Variants in FGF13 observed in about 807,000 individuals in gnomAD.
FGF13 encodes the protein fibroblast growth factor homologous factor 2.
FGF13 carries 2 observed loss-of-function variants against 19.5 expected under a neutral mutation model. The ratio of observed to expected loss-of-function variants is 0.10; its 90% CI spans 0.04 to 0.32. FGF13 has a LOEUF of 0.32. FGF13 is among the 10% of genes least tolerant of loss of function. FGF13 has a pLI of 1.00. For synonymous variants in FGF13, 72 were observed against 76.9 expected, an observed-to-expected ratio of 0.94 and a Z score of 0.33; for missense variants, 113 against 192.7, an observed-to-expected ratio of 0.59 and a Z score of 2.45.
intron 1 of FGF13, among the ~76,000 whole-genome samples, chrX:139,010,888 A>G (rs2092125213): frequency 8.9e-6 from 1 of 111,877 alleles, no homozygotes; most frequent in South Asian, 3.7e-4. Context: ...AAATATAAGT[A>G]AAATTGATAG....
rs895883969 is a variant in FGF13, at chrX:138,627,088, G to C, written c.*5762C>G. 1.8e-5 allele frequency: 2 copies of C among 111,563 alleles called. No homozygotes were observed. The highest frequency in any genetic ancestry group is 6.5e-5 in the African/African-American group (2 of 30,731). The allele number at this position is 111,563 out of a possible 1,213,427, so 9.2% of individuals were successfully genotyped here. A position where few individuals can be genotyped will look rare whatever the true frequency, so the allele number is the denominator to read the frequency against. ...AGTTCCACTTTATTAATCGCAGTAA[G>C]GAAAGAAAAATTCTCTGTTACTAAA... On this transcript the variant is annotated 3_prime_UTR_variant, in exon 5 of 5. Transcript: ENST00000315930.
At chrX:138,803,376 G>A (rs1330541108) in intron 3 of FGF13, among the ~76,000 whole-genome samples, 1 of 112,183 alleles carries the variant, frequency 8.9e-6, no homozygotes, top group African/African-American at 3.2e-5. Context: ...TAACAGGGCA[G>A]GTAAGAGGTA....
At chrX:138,679,473 A>T (rs1269784662) in intron 3 of FGF13, among the ~76,000 whole-genome samples, 1 of 111,444 alleles carries the variant, frequency 9.0e-6, no homozygotes, top group East Asian at 2.8e-4. Context: ...CCTTGGAGAT[A>T]TTACAGGTTC....
chrX:138,848,449 TA>T (rs1404547979), intron 3 of FGF13, among the ~76,000 whole-genome samples: 1 of 110,704 alleles, frequency 9.0e-6, no homozygotes, highest in Admixed American at 9.6e-5. Context: ...AGATAGATTT[TA>T]AAAAAAAGTA....
intron 1 of FGF13, among the ~76,000 whole-genome samples, chrX:138,982,902 G>A (rs897451029): frequency 1.8e-5 from 2 of 112,183 alleles, no homozygotes; most frequent in Non-Finnish European, 3.8e-5. Context: ...TTGGCCATTC[G>A]TATGTCTTTT....
In FGF13 at chrX:138,623,235, T is replaced by C. The variant is rs1321979443; in HGVS notation, c.*9615A>G. Reference sequence around the variant, plus strand: ...ATTTTGTTGTGGATTTTTGCATCTATGTTCAACAGGGATTTGGGCCTGTAA... The same window carrying C: ...ATTTTGTTGTGGATTTTTGCATCTACGTTCAACAGGGATTTGGGCCTGTAA... On this transcript the variant is annotated 3_prime_UTR_variant, in exon 5 of 5. Transcript: ENST00000315930. The C allele has an allele frequency of 8.9e-6, 1 of 111,776 alleles. No individual in the cohort carries two copies. The highest frequency in any genetic ancestry group is 9.5e-5 in the Admixed American group (1 of 10,496). The allele number at this position is 111,776 out of a possible 1,213,427, so 9.2% of individuals were successfully genotyped here.
chrX:139,183,887 G>C (rs765744827), intron 1 of FGF13, among the ~76,000 whole-genome samples: 7 of 111,327 alleles, frequency 6.3e-5, no homozygotes, highest in Non-Finnish European at 1.1e-4. Context: ...ACTACTCAAT[G>C]CAAGTGGCTC....
intron 1 of FGF13, among the ~76,000 whole-genome samples, chrX:138,914,914 C>T (rs2091610653): frequency 9.0e-6 from 1 of 111,383 alleles, no homozygotes; most frequent in Admixed American, 9.6e-5. Flanking sequence ...TGCTCCTGTG[C>T]ACATGGACAA....
At chrX:138,923,978 T>G (rs1368894910) in intron 1 of FGF13, among the ~76,000 whole-genome samples, 2 of 112,065 alleles carry the variant, frequency 1.8e-5, no homozygotes, top group African/African-American at 6.5e-5. Context: ...CATTCCTGAA[T>G]TGAGTAAGGC....
At chrX:138,854,408 T>C, downstream of FGF13, among the ~76,000 whole-genome samples, 1 of 111,560 alleles carries the variant, frequency 9.0e-6, no homozygotes, top group Admixed American at 9.6e-5. Context: ...TTATTTTATA[T>C]GGATTCTGAG....
intron 3 of FGF13, among the ~76,000 whole-genome samples, chrX:138,687,376 C>A (rs1257455426): frequency 8.9e-6 from 1 of 111,882 alleles, no homozygotes; most frequent in African/African-American, 3.3e-5. Context: ...GGAAGACATA[C>A]AACTCTTCAA....
chrX:139,013,183 C>A (rs2092136930), intron 1 of FGF13, among the ~76,000 whole-genome samples: 1 of 109,950 alleles, frequency 9.1e-6, no homozygotes, highest in South Asian at 3.9e-4. Flanking sequence ...ATCAAAAAAT[C>A]AAAAAGTAAT....
chrX:138,693,502 C>T (rs1325973280), intron 3 of FGF13, among the ~76,000 whole-genome samples: 1 of 111,177 alleles, frequency 9.0e-6, no homozygotes, highest in Non-Finnish European at 1.9e-5. Context: ...TGATAGCATT[C>T]AGAAATATAT....
At chrX:139,133,373 GAAGAC>G in intron 1 of FGF13, among the ~76,000 whole-genome samples, 1 of 104,148 alleles carries the variant, frequency 9.6e-6, no homozygotes, top group Non-Finnish European at 2.0e-5. Context: ...ATTCTCACCA[GAAGAC>G]TGGTGAGAAA....
chrX:138,684,790 C>T (rs1374106960), intron 3 of FGF13, among the ~76,000 whole-genome samples: 2 of 111,358 alleles, frequency 1.8e-5, no homozygotes, highest in Non-Finnish European at 3.8e-5. Context: ...GTATTTACAA[C>T]GGACTTAATG....
chrX:138,984,567 A>AAGT (rs2091981370), intron 1 of FGF13, among the ~76,000 whole-genome samples: 1 of 50,670 alleles, frequency 2.0e-5, no homozygotes, highest in Admixed American at 2.2e-4. Flanking sequence ...GAAGAAGAAG[A>AAGT]AGAAGAAGAA....
intron 1 of FGF13, among the ~76,000 whole-genome samples, chrX:139,059,999 A>T (rs1025117419): frequency 4.5e-5 from 5 of 111,839 alleles, no homozygotes; most frequent in African/African-American, 1.6e-4. Context: ...GTCCCTCAAA[A>T]GTCCCAATTC....
At chrX:139,172,745 TAC>T (rs2090375247) in intron 1 of FGF13, among the ~76,000 whole-genome samples, 1 of 111,935 alleles carries the variant, frequency 8.9e-6, no homozygotes, top group Admixed American at 9.5e-5. Context: ...CACTGGCAGA[TAC>T]AGATTTTCTC....
intron 3 of FGF13, among the ~76,000 whole-genome samples, chrX:138,808,555 T>C (rs1158238644): frequency 9.0e-6 from 1 of 110,679 alleles, no homozygotes; most frequent in Non-Finnish European, 1.9e-5. Context: ...AGCAAACATA[T>C]TCGAAAGCTA....
Sources: gnomAD v4.1 joint callset for allele counts (sites outside exome capture counted in the v4.1 genomes callset) on GRCh38, gnomAD v4.1.1 for gene constraint, MANE v1.5 for transcripts, NCBI Gene and HGNC (gene_info 2026-07-23, HGNC 2026-07-21) for gene names.